Variants in DOCK1 observed in about 807,000 individuals in gnomAD.
DOCK1 encodes the protein dedicator of cytokinesis 1.
A neutral mutation model predicts 262.7 loss-of-function variants in DOCK1; 138 were observed. The observed-to-expected ratio is 0.53, with a 90% CI of 0.46 to 0.61. The LOEUF (loss-of-function observed/expected upper bound fraction) is 0.61. Ranked by LOEUF, DOCK1 falls within the 20% of genes least tolerant of loss-of-function variation. The pLI is 0.00. For synonymous variants in DOCK1, 866 were observed against 867.4 expected (o/e 1.00, Z 0.03); for missense variants, 1,908 against 2,370.7 (o/e 0.80, Z 4.05).
chr10:127,108,512 A>C (rs576152723), intron 24 of DOCK1, among the ~76,000 whole-genome samples: 56 of 152,282 alleles, frequency 3.7e-4, no homozygotes, highest in Non-Finnish European at 7.4e-4. Context: ...GTTTGAACCC[A>C]GAGGCAGAAA....
At chr10:127,110,621 A>T (rs2048808927) in intron 25 of DOCK1, among the ~76,000 whole-genome samples, 1 of 152,236 alleles carries the variant, frequency 6.6e-6, no homozygotes, top group Non-Finnish European at 1.5e-5. Flanking sequence ...CATACATTGT[A>T]GCCTTTAAGA....
intron 29 of DOCK1, among the ~76,000 whole-genome samples, chr10:127,292,543 G>A (rs534320836): frequency 2.6e-5 from 4 of 152,248 alleles, no homozygotes; most frequent in African/African-American, 7.2e-5. Flanking sequence ...AGGGGCCTTG[G>A]GGCTGTGGAG....
At chr10:127,436,294 A>T (rs1203476508) in intron 48 of DOCK1, among the ~76,000 whole-genome samples, 2 of 152,186 alleles carry the variant, frequency 1.3e-5, no homozygotes, top group Non-Finnish European at 2.9e-5. Context: ...AGGCAGGTGG[A>T]TTGCTTGAGC....
chr10:127,003,554 T>A (rs892523333), intron 10 of DOCK1, among the ~76,000 whole-genome samples: 1 of 152,170 alleles, frequency 6.6e-6, no homozygotes, highest in African/African-American at 2.4e-5. Flanking sequence ...GGTGGGGATG[T>A]CCTGTTCATC....
At chr10:127,278,633 C>G (rs972952912) in intron 29 of DOCK1, among the ~76,000 whole-genome samples, 2 of 152,140 alleles carry the variant, frequency 1.3e-5, no homozygotes, top group Non-Finnish European at 2.9e-5. Context: ...ACCTGATCAC[C>G]CAGCAAAGCA....
chr10:127,348,774 A>G (rs1247740404), intron 31 of DOCK1, among the ~76,000 whole-genome samples: 1 of 152,202 alleles, frequency 6.6e-6, no homozygotes, highest in Non-Finnish European at 1.5e-5. Context: ...TCTCCAGAAG[A>G]TTATGTCAAA....
At chr10:126,979,825 C>T (rs951533463) in intron 3 of DOCK1, among the ~76,000 whole-genome samples, 1 of 152,218 alleles carries the variant, frequency 6.6e-6, no homozygotes, top group Non-Finnish European at 1.5e-5. Flanking sequence ...AATCCTGGCA[C>T]CACGTGTCTG....
At chr10:127,172,145 C>A (rs2054634083) in intron 27 of DOCK1, among the ~76,000 whole-genome samples, 1 of 152,028 alleles carries the variant, frequency 6.6e-6, no homozygotes, top group Non-Finnish European at 1.5e-5. Flanking sequence ...ACTAAAATAC[C>A]AACTTCCCAG....
At chr10:127,055,215 A>G (rs560513560) in intron 22 of DOCK1, among the ~76,000 whole-genome samples, 33 of 152,112 alleles carry the variant, frequency 2.2e-4, no homozygotes, top group African/African-American at 7.5e-4. Flanking sequence ...TTCCGAGTTC[A>G]TGCACCTGCG....
At chr10:127,241,780 TC>T (rs963854031) in intron 27 of DOCK1, among the ~76,000 whole-genome samples, 1 of 152,120 alleles carries the variant, frequency 6.6e-6, no homozygotes, top group Non-Finnish European at 1.5e-5. Context: ...AGGTGTTTCT[TC>T]CAGGTGGTTC....
At chr10:127,178,896 G>C (rs566286748) in intron 27 of DOCK1, among the ~76,000 whole-genome samples, 1 of 152,226 alleles carries the variant, frequency 6.6e-6, no homozygotes, top group East Asian at 1.9e-4. Context: ...CTTGGTGTGG[G>C]GGACAGTATG....
At chr10:127,407,016 T>A (rs1023809449) in intron 40 of DOCK1, among the ~76,000 whole-genome samples, 1 of 151,942 alleles carries the variant, frequency 6.6e-6, no homozygotes, top group Non-Finnish European at 1.5e-5. Flanking sequence ...GGTTTCTGCT[T>A]GACTTTTTTT....
intron 23 of DOCK1, among the ~76,000 whole-genome samples, chr10:127,091,423 G>A (rs1044459415): frequency 1.6e-4 from 24 of 152,238 alleles, no homozygotes; most frequent in Admixed American, 8.5e-4. Context: ...TCAGTGAGTT[G>A]TGAAGGTTGG....
intron 27 of DOCK1, among the ~76,000 whole-genome samples, chr10:127,172,494 C>T (rs751655767): frequency 3.9e-5 from 6 of 152,190 alleles, no homozygotes; most frequent in Non-Finnish European, 8.8e-5. Context: ...CTGCAGTCCT[C>T]TCCTATGTTC....
At chr10:127,337,509 G>A (rs1251622723) in intron 29 of DOCK1, among the ~76,000 whole-genome samples, 2 of 152,018 alleles carry the variant, frequency 1.3e-5, no homozygotes, top group Non-Finnish European at 2.9e-5. Flanking sequence ...ACAGAATTCA[G>A]CAATAAGAGC....
At chr10:127,084,738 T>G (rs116731252) in intron 23 of DOCK1, among the ~76,000 whole-genome samples, 1,703 of 152,334 alleles carry the variant, frequency 0.011, 31 homozygotes, top group African/African-American at 0.039. Context: ...CCTGCTGCTC[T>G]CACTCCACCT....
At chr10:127,138,468 A>G (rs773426343) in intron 27 of DOCK1, among the ~76,000 whole-genome samples, 8 of 152,118 alleles carry the variant, frequency 5.3e-5, no homozygotes, top group Non-Finnish European at 1.2e-4. Flanking sequence ...AGAGAAATCT[A>G]TTTCTCTGAT....
chr10:127,438,380 C>T (rs2069840548), intron 48 of DOCK1, among the ~76,000 whole-genome samples: 1 of 152,152 alleles, frequency 6.6e-6, no homozygotes, highest in Admixed American at 6.5e-5. Flanking sequence ...GTGGTGGTGT[C>T]TTTATACCCT....
chr10:127,346,139 G>T (rs2135781201), intron 31 of DOCK1, among the ~76,000 whole-genome samples: 1 of 152,344 alleles, frequency 6.6e-6, no homozygotes, highest in East Asian at 1.9e-4. Flanking sequence ...CCTCGGAGAT[G>T]CCTGCGGGAG....
Sources: gnomAD v4.1 joint callset for allele counts (sites outside exome capture counted in the v4.1 genomes callset) on GRCh38, gnomAD v4.1.1 for gene constraint, MANE v1.5 for transcripts, NCBI Gene and HGNC (gene_info 2026-07-23, HGNC 2026-07-21) for gene names.